Variants in TXNRD3 observed in about 807,000 individuals in gnomAD.
The protein encoded by TXNRD3 is TXNRD3 neighbor gene protein.
A neutral mutation model predicts 78.2 loss-of-function variants in TXNRD3; 68 were observed. The observed-to-expected ratio is 0.87, with a 90% confidence interval of 0.72 to 1.06. TXNRD3 has a LOEUF of 1.06. TXNRD3 is among the 50% of genes least tolerant of loss of function. The pLI is 0.00. For missense variants in TXNRD3, 751 were observed against 809.5 expected (o/e 0.93, Z 0.88); for synonymous variants, 296 against 300.1 (o/e 0.99, Z 0.14).
At chr3:126,617,098 T>A (rs528408599) in intron 12 of TXNRD3, among the ~76,000 whole-genome samples, 1 of 152,174 alleles carries the variant, frequency 6.6e-6, no homozygotes, top group Non-Finnish European at 1.5e-5. Flanking sequence ...TCATATCAAC[T>A]AAGAAAAATA....
At position 126,608,588 on chromosome 3, in the gene TXNRD3, C is replaced by T. The variant is rs1049457783; in HGVS notation, c.1774G>A (p.Val592Ile). Residue 592 changes from valine to isoleucine, a missense_variant, in exon 15 of 16, where the codon GTT becomes ATT. Physicochemically the swap from Val to Ile is conservative, Grantham distance 29. Coordinates refer to ENST00000524230, the MANE Select transcript of TXNRD3 (RefSeq NM_052883.3). ...ATTGCAGCTGCAAATCCTTGGGTAA[C>T]CTCACCGGCGTTTGGTCCAAGAATA... The T allele has an allele frequency of 1.1e-5, 17 of 1,535,922 alleles. No homozygotes were observed. The highest frequency in any genetic ancestry group is 1.5e-5 in the Non-Finnish European group (17 of 1,146,836).
In TXNRD3 at chr3:126,622,433, A is replaced by G. The variant is rs1016679304; in HGVS notation, c.1367+31T>C. 6.1e-6 allele frequency: 9 copies of G among 1,468,354 alleles called. No homozygotes were observed. In the African/African-American group the frequency reaches 1.1e-4, roughly 18 times the overall value. The allele number at this position is 1,468,354 out of a possible 1,614,324, so 91.0% of individuals were successfully genotyped here. On this transcript the variant is annotated intron_variant, in intron 11 of 15. Coordinates refer to ENST00000524230, the MANE Select transcript of TXNRD3 (RefSeq NM_052883.3). ...TCTGCAGAAACCTGTTGCTTTGTGC[A>G]GCAACAGTGCAGTGATCCCAATATA...
intron 5 of TXNRD3, among the ~76,000 whole-genome samples, chr3:126,642,490 C>G (rs1434574662): frequency 6.6e-6 from 1 of 152,236 alleles, no homozygotes; most frequent in Non-Finnish European, 1.5e-5. Context: ...GCCCTGTACT[C>G]TCCATAACTC....
intron 13 of TXNRD3, among the ~76,000 whole-genome samples, chr3:126,615,145 AT>A (rs1490149415): frequency 6.6e-6 from 1 of 152,126 alleles, no homozygotes; most frequent in Non-Finnish European, 1.5e-5. Flanking sequence ...TGACTTATAG[AT>A]TACACTTCCC....
intron 6 of TXNRD3, among the ~76,000 whole-genome samples, chr3:126,638,783 G>A (rs1181637117): frequency 6.6e-6 from 1 of 152,116 alleles, no homozygotes; most frequent in Admixed American, 6.5e-5. Flanking sequence ...GAACTTTGAG[G>A]AAGCTAATTA....
At chr3:126,643,888 C>A in intron 5 of TXNRD3, 93 bp downstream of exon 5, 3 of 1,216,012 alleles carry the variant, frequency 2.5e-6, no homozygotes, top group African/African-American at 1.5e-5. Context: ...GCGAGTTATA[C>A]CTCTTGAGAT....
In TXNRD3 at chr3:126,654,836, C is replaced by G; in HGVS notation, c.155G>C (p.Arg52Pro). ...CACGAGGTGGCGGCGCAGCTCCTCG[C>G]GGGCCTCGGACGAGCGGCTGGGCCC... Residue 52 changes from arginine (R) to proline (P), a missense_variant, in exon 1 of 16, where the codon CGC (arginine) becomes CCC (proline). Arg to Pro is a moderately radical substitution (Grantham distance 103). Coordinates refer to ENST00000524230, the MANE Select transcript of TXNRD3 (RefSeq NM_052883.3). 1 of 1,390,874 alleles carries G rather than the reference C, an allele frequency of 7.2e-7. No individual in the cohort carries two copies. Among genetic ancestry groups the G allele is most frequent in the Non-Finnish European group, 9.3e-7 (1 of 1,075,598 alleles). The allele number at this position is 1,390,874 out of a possible 1,614,324, so 86.2% of individuals were successfully genotyped here. A position where few individuals can be genotyped will look rare whatever the true frequency, so the allele number is the denominator to read the frequency against.
At chr3:126,611,827 C>T (rs150148859) in intron 13 of TXNRD3, among the ~76,000 whole-genome samples, 4,362 of 152,122 alleles carry the variant, frequency 0.029, 80 homozygotes, top group Admixed American at 0.032. Flanking sequence ...CAATAATCCA[C>T]GATGGATGGA....
intron 14 of TXNRD3, among the ~76,000 whole-genome samples, chr3:126,610,177 C>T (rs758231608): frequency 2.0e-5 from 3 of 152,136 alleles, no homozygotes; most frequent in Non-Finnish European, 2.9e-5. Flanking sequence ...CCTGCAACAC[C>T]CTGTTTTCTG....
At chr3:126,609,052 C>T (rs1938129385) in intron 14 of TXNRD3, 1 of 296,240 alleles carries the variant, frequency 3.4e-6, no homozygotes, top group African/African-American at 2.2e-5. Context: ...CTCCCAACAT[C>T]AAGTGGAGAC....
At chr3:126,636,680 C>CA (rs1182601359) in intron 6 of TXNRD3, among the ~76,000 whole-genome samples, 4 of 152,150 alleles carry the variant, frequency 2.6e-5, no homozygotes, top group Non-Finnish European at 5.9e-5. Context: ...GAGGATTTGC[C>CA]AATGCTTGCC....
chr3:126,643,316 C>A (rs1933139747), intron 5 of TXNRD3, among the ~76,000 whole-genome samples: 1 of 152,222 alleles, frequency 6.6e-6, no homozygotes, highest in Non-Finnish European at 1.5e-5. Flanking sequence ...AGCACAAAAT[C>A]TATGTGCTCT....
chr3:126,631,085 T>C, intron 8 of TXNRD3, 148 bp from the exon 9 acceptor site: 1 of 817,004 alleles, frequency 1.2e-6, no homozygotes, highest in Non-Finnish European at 1.9e-6. Flanking sequence ...TAATTGAGTC[T>C]GCTGTGGAGA....
At position 126,607,063 on chromosome 3, in the gene TXNRD3, T is replaced by C. The variant is rs181202874; in HGVS notation, c.*842A>G. 1 of 152,344 alleles carries C rather than the reference T, an allele frequency of 6.6e-6. No homozygotes were observed. The allele number at this position is 152,344 out of a possible 1,614,324, so 9.4% of individuals were successfully genotyped here. ...AACCACTTAATATTACCTGTATTCA[T>C]TTATGGAACTTTATCATCATTAAAC... is the stretch of plus-strand genomic sequence containing the variant. On this transcript the variant is annotated 3_prime_UTR_variant, in exon 16 of 16. Coordinates refer to ENST00000524230, the MANE Select transcript of TXNRD3 (RefSeq NM_052883.3).
chr3:126,645,650 A>C (rs2107627498), intron 3 of TXNRD3, among the ~76,000 whole-genome samples: 1 of 152,330 alleles, frequency 6.6e-6, no homozygotes, highest in African/African-American at 2.4e-5. Context: ...TTTAATAAAC[A>C]ATTTTTATCT....
At chr3:126,650,161 T>C (rs1236036084) in intron 1 of TXNRD3, among the ~76,000 whole-genome samples, 2 of 152,234 alleles carry the variant, frequency 1.3e-5, no homozygotes, top group East Asian at 1.9e-4. Flanking sequence ...TTTTATTCAC[T>C]GTATAGTTTG....
chr3:126,633,573 T>C (rs556696675), intron 7 of TXNRD3, among the ~76,000 whole-genome samples: 65 of 152,348 alleles, frequency 4.3e-4, no homozygotes, highest in Non-Finnish European at 6.8e-4. Flanking sequence ...TAAGGTTTCA[T>C]TTTTAGGAAG....
intron 9 of TXNRD3, 82 bp from the exon 10 acceptor site, chr3:126,629,553 G>A (rs547735894): frequency 4.5e-5 from 47 of 1,041,428 alleles, no homozygotes; most frequent in South Asian, 2.0e-4. Context: ...CGGTATGTTC[G>A]TGTACATTTG....
chr3:126,615,306 TG>T, intron 13 of TXNRD3, 48 bp downstream of exon 13: 3 of 879,220 alleles, frequency 3.4e-6, no homozygotes, highest in Non-Finnish European at 5.0e-6. Context: ...AAAGATAAAT[TG>T]TTGATTAAAA....
Sources: gnomAD v4.1 joint callset for allele counts (sites outside exome capture counted in the v4.1 genomes callset) on GRCh38, gnomAD v4.1.1 for gene constraint, MANE v1.5 for transcripts, NCBI Gene and HGNC (gene_info 2026-07-23, HGNC 2026-07-21) for gene names.